CHRNB2: variants seen among roughly 807,000 people sequenced by gnomAD.
CHRNB2 encodes the protein cholinergic receptor nicotinic beta 2 subunit.
Under a neutral mutation model 42.7 loss-of-function variants are expected in CHRNB2, and 33 were observed. The observed-to-expected ratio is 0.77, with a 90% CI of 0.59 to 1.03. CHRNB2 has a LOEUF of 1.03. Ranked by LOEUF, CHRNB2 falls within the 50% of genes least tolerant of loss-of-function variation. The pLI, the probability that CHRNB2 is intolerant of heterozygous loss-of-function variation, is 0.00. For missense variants in CHRNB2, 603 were observed against 700.9 expected (o/e 0.86, Z 1.58); for synonymous variants, 325 against 292.9 (o/e 1.11, Z -1.12).
chr1:154,572,058 G>A lies in CHRNB2; in HGVS notation c.1235G>A (p.Gly412Asp), dbSNP rs112585933. The A allele has an allele frequency of 2.0e-3, 3,046 of 1,534,646 alleles. 4 individuals carry two copies. Among genetic ancestry groups the A allele is most frequent in the Non-Finnish European group, 2.4e-3 (2,776 of 1,145,750 alleles). Residue 412 changes from glycine (G) to aspartate (D), a missense_variant, in exon 5 of 6, where the codon GGC becomes GAC. By Grantham distance (94) the Gly-to-Asp change is moderately conservative (BLOSUM62 -1). Coordinates refer to ENST00000368476, the MANE Select transcript of CHRNB2 (RefSeq NM_000748.3). The part of the protein sequence containing the change: ...AFGAEPAPVA[G>D]PGRSGEPCGC... ...GGGGCTGAGCCTGCACCAGTGGCGG[G>A]CCCCGGGCGCTCAGGGGAGCCGTGT... is the stretch of plus-strand genomic sequence containing the variant.
chr1:154,574,571 C>T, intron 5 of CHRNB2, among the ~76,000 whole-genome samples: 1 of 150,606 alleles, frequency 6.6e-6, no homozygotes, highest in African/African-American at 2.5e-5. Context: ...GCAGCTGGTT[C>T]TCTCTCACTC....
intron 5 of CHRNB2, among the ~76,000 whole-genome samples, chr1:154,573,212 A>C (rs1014672840): frequency 1.2e-4 from 19 of 152,158 alleles, no homozygotes; most frequent in Admixed American, 9.8e-4. Flanking sequence ...CAAGTGGGAG[A>C]TGCTGGGATT....
chr1:154,575,680 C>G (rs1442021529), intron 5 of CHRNB2, 82 bp from the exon 6 acceptor site: 5 of 1,358,460 alleles, frequency 3.7e-6, no homozygotes, highest in South Asian at 3.5e-5. Context: ...GGGTGTGTGT[C>G]TGTGTGGTGG....
At position 154,579,744 on chromosome 1, in the gene CHRNB2, C is replaced by G. The variant is rs1696355422; in HGVS notation, c.*3812C>G. On this transcript the variant is annotated 3_prime_UTR_variant, in exon 6 of 6. Coordinates refer to ENST00000368476, the MANE Select transcript of CHRNB2 (RefSeq NM_000748.3). ...TCATTAGGACACTCACTCAGCCACC[C>G]TCGATGCCCCCATCTTCCCCACACT... The G allele has an allele frequency of 6.6e-6, 1 of 152,518 alleles. No individual in the cohort carries two copies. Among genetic ancestry groups the G allele is most frequent in the Admixed American group, 6.5e-5 (1 of 15,284 alleles). The allele number at this position is 152,518 out of a possible 1,614,324, so 9.4% of individuals were successfully genotyped here. A position where few individuals can be genotyped will look rare whatever the true frequency, so the allele number is the denominator to read the frequency against.
chr1:154,570,204 C>A, intron 3 of CHRNB2, 54 bp from the exon 4 acceptor site: 1 of 1,267,946 alleles, frequency 7.9e-7, no homozygotes, highest in South Asian at 1.3e-5. Flanking sequence ...TTTCCTTAAC[C>A]TTGAGCCCCA....
In CHRNB2 at chr1:154,578,532, A is replaced by T. The variant is rs1696327305; in HGVS notation, c.*2600A>T. The T allele has an allele frequency of 6.6e-6, 1 of 152,300 alleles. No homozygotes were observed. The highest frequency in any genetic ancestry group is 6.5e-5 in the Admixed American group (1 of 15,292). The allele number at this position is 152,300 out of a possible 1,614,324, so 9.4% of individuals were successfully genotyped here. A position where few individuals can be genotyped will look rare whatever the true frequency, so the allele number is the denominator to read the frequency against. On this transcript the variant is annotated 3_prime_UTR_variant, in exon 6 of 6. Coordinates refer to ENST00000368476, the MANE Select transcript of CHRNB2 (RefSeq NM_000748.3). The stretch of plus-strand genomic sequence containing the variant: ...GTGTATATGAAAGGGTTACCTGGGC[A>T]GTGTCATTCCCTCCATCTCTGTACG...
At position 154,571,415 on chromosome 1, in the gene CHRNB2, A is replaced by G; in HGVS notation, c.592A>G (p.Thr198Ala). 1 of 1,614,110 alleles carries G rather than the reference A, an allele frequency of 6.2e-7. No individual in the cohort carries two copies. The highest frequency in any genetic ancestry group is 8.5e-7 in the Non-Finnish European group (1 of 1,180,014). ...TGAGGTGGCCAGCCTGGACGACTTC[A>G]CACCTAGTGGTGAGTGGGACATCGT... ...KSEVASLDDF[T>A]PSGEWDIVAL... The change falls in exon 5 of 6, where the codon ACA becomes GCA. Residue 198 changes from threonine to alanine, a missense_variant. Coordinates refer to ENST00000368476, the MANE Select transcript of CHRNB2 (RefSeq NM_000748.3). This position sits in a 1 kb window ranked among gnomAD's most constrained non-coding sequence, Gnocchi z 6.8.
At position 154,577,684 on chromosome 1, in the gene CHRNB2, C is replaced by CA. The variant is rs1696307853; in HGVS notation, c.*1753dup. The CA allele has an allele frequency of 6.6e-6, 1 of 152,292 alleles. No individual in the cohort carries two copies. The allele number at this position is 152,292 out of a possible 1,614,324, so 9.4% of individuals were successfully genotyped here. A position where few individuals can be genotyped will look rare whatever the true frequency, so the allele number is the denominator to read the frequency against. ...GTCATGCCAGCCTCCCTCCCAGGCC[C>CA]ACTCTTCCCCCCTCTTCCCTGAGGA... is the stretch of plus-strand genomic sequence containing the variant. On this transcript the variant is annotated 3_prime_UTR_variant, in exon 6 of 6. Coordinates refer to ENST00000368476, the MANE Select transcript of CHRNB2 (RefSeq NM_000748.3).
At position 154,577,906 on chromosome 1, in the gene CHRNB2, A is replaced by C. The variant is rs1571028740; in HGVS notation, c.*1974A>C. On this transcript the variant is annotated 3_prime_UTR_variant, in exon 6 of 6. Transcript: ENST00000368476. ...TCCTGACACAGGTGTGTGCTCAGGG[A>C]CCCCAGGCTCTAGTCCTGTACTGGC... 6.6e-6 allele frequency: 1 copy of C among 152,026 alleles called. No homozygotes were observed. The highest frequency in any genetic ancestry group is 2.4e-5 in the African/African-American group (1 of 41,346). The allele number at this position is 152,026 out of a possible 1,614,324, so 9.4% of individuals were successfully genotyped here.
intron 5 of CHRNB2, among the ~76,000 whole-genome samples, chr1:154,575,297 T>C (rs1198867690): frequency 6.6e-6 from 1 of 152,148 alleles, no homozygotes; most frequent in Non-Finnish European, 1.5e-5. Context: ...GTGTACACAG[T>C]GCAGAGGGAA....
In CHRNB2 at chr1:154,575,818, CTT is replaced by C; in HGVS notation, c.1397_1398del (p.Phe466CysfsTer139). On this transcript the variant is annotated frameshift_variant, in exon 6 of 6. Transcript: ENST00000368476. LOFTEE classifies it high-confidence loss of function. ...TGATCGACCGCCTCTTCCTCTGGATCTTTGTCTTTGTCTGTGTCTTTGGCACC... is the reference window on the plus strand; with the variant it reads ...TGATCGACCGCCTCTTCCTCTGGATCTGTCTTTGTCTGTGTCTTTGGCACC... ...MVIDRLFLWI[F>X]VFVCVFGTIG... 6.2e-7 allele frequency: 1 copy of C among 1,614,164 alleles called. No individual in the cohort carries two copies. The highest frequency in any genetic ancestry group is 8.5e-7 in the Non-Finnish European group (1 of 1,180,044).
intron 5 of CHRNB2, among the ~76,000 whole-genome samples, chr1:154,574,735 A>G (rs573801666): frequency 3.4e-4 from 52 of 152,328 alleles, no homozygotes; most frequent in African/African-American, 1.2e-3. Flanking sequence ...GTAGACTGTA[A>G]ACCACTGGCT....
intron 5 of CHRNB2, among the ~76,000 whole-genome samples, chr1:154,573,195 C>G (rs1166754854): frequency 6.6e-6 from 1 of 152,202 alleles, no homozygotes; most frequent in Admixed American, 6.5e-5. Flanking sequence ...TTAGAGCCAG[C>G]TGAGGCCAAG....
intron 5 of CHRNB2, among the ~76,000 whole-genome samples, chr1:154,575,109 C>T (rs547400774): frequency 9.2e-5 from 14 of 152,306 alleles, no homozygotes; most frequent in African/African-American, 1.4e-4. Context: ...GGAGCCAGGC[C>T]GGCTGAGGCA....
intron 5 of CHRNB2, among the ~76,000 whole-genome samples, chr1:154,575,287 G>A (rs1018478947): frequency 2.6e-5 from 4 of 152,188 alleles, no homozygotes; most frequent in Non-Finnish European, 4.4e-5. Context: ...TGATGGAGAC[G>A]TGTACACAGT....
rs1365457424 is a variant in CHRNB2 at position 154,578,908 on chromosome 1, A to ACTAT, written c.*2979_*2982dup. On this transcript the variant is annotated 3_prime_UTR_variant, in exon 6 of 6. Transcript: ENST00000368476. Reference sequence around the variant, plus strand: ...AGGGGAAGTGAGGAAACAGGTTGAGACTATCTCCATCAGAGATGGCAAGGC... The same window carrying ACTAT: ...AGGGGAAGTGAGGAAACAGGTTGAGACTATCTATCTCCATCAGAGATGGCAAGGC... The ACTAT allele has an allele frequency of 6.6e-6, 1 of 152,246 alleles. No individual in the cohort carries two copies. Among genetic ancestry groups the ACTAT allele is most frequent in the Non-Finnish European group, 1.5e-5 (1 of 68,060 alleles). The allele number at this position is 152,246 out of a possible 1,614,324, so 9.4% of individuals were successfully genotyped here. A position where few individuals can be genotyped will look rare whatever the true frequency, so the allele number is the denominator to read the frequency against.
chr1:154,575,853 T>C lies in CHRNB2; in HGVS notation c.1430T>C (p.Met477Thr), dbSNP rs774272679. ...GTCTGTGTCTTTGGCACCATCGGCA[T>C]GTTCCTGCAGCCTCTCTTCCAGAAC... is the stretch of plus-strand genomic sequence containing the variant. ...VFVCVFGTIG[M>T]FLQPLFQNYT... Residue 477 changes from methionine (M) to threonine (T), a missense_variant, in exon 6 of 6, where the codon ATG becomes ACG. Physicochemically the swap from Met to Thr is moderately conservative, Grantham distance 81. This residue lies in a region of CHRNB2 where 270 missense variants were observed against 248.3 expected (regional missense o/e 1.09). Transcript: ENST00000368476. 1.2e-6 allele frequency: 2 copies of C among 1,614,174 alleles called. No homozygotes were observed. The highest frequency in any genetic ancestry group is 3.3e-5 in the Admixed American group (2 of 60,024).
At chr1:154,575,582 T>C (rs1696255808) in intron 5 of CHRNB2, among the ~76,000 whole-genome samples, 180 bp from the exon 6 acceptor site, 1 of 152,004 alleles carries the variant, frequency 6.6e-6, no homozygotes, top group Admixed American at 6.6e-5. Flanking sequence ...GGATGGGCCC[T>C]GAAGGCAGTG....
In CHRNB2 at chr1:154,572,011, G is replaced by GCT. The variant is rs1473088486; in HGVS notation, c.1189_1190insTC (p.Gln397LeufsTer52). 2 of 1,534,058 alleles carry GCT rather than the reference G, an allele frequency of 1.3e-6. No homozygotes were observed. The highest frequency in any genetic ancestry group is 1.7e-6 in the Non-Finnish European group (2 of 1,145,068). Reference sequence around the variant, plus strand: ...CGTGCTTCGTCAACCGCGCGTCGGTGCAGGGGTTGGCCGGGGCCTTCGGGG... The same window carrying GCT: ...CGTGCTTCGTCAACCGCGCGTCGGTGCTCAGGGGTTGGCCGGGGCCTTCGGGG... On this transcript the variant is annotated frameshift_variant, in exon 5 of 6. Transcript: ENST00000368476. LOFTEE classifies it high-confidence loss of function.
Sources: gnomAD v4.1 joint callset for allele counts (sites outside exome capture counted in the v4.1 genomes callset) on GRCh38, gnomAD v4.1.1 for gene constraint, gnomAD v4.1.1 regional missense constraint, Gnocchi (gnomAD v3.1) non-coding constraint, MANE v1.5 for transcripts, NCBI Gene and HGNC (gene_info 2026-07-23, HGNC 2026-07-21) for gene names.